The following DDX46 variants were observed in gnomAD, a reference collection of about 807,000 sequenced individuals.
DDX46 encodes DEAD-box helicase 46, also known as probable ATP-dependent RNA helicase DDX46.
Under a neutral mutation model 134.9 loss-of-function variants are expected in DDX46, and 30 were observed. That is an observed-to-expected ratio of 0.22 (90% CI 0.17 to 0.30). The LOEUF (loss-of-function observed/expected upper bound fraction) is 0.30, where lower values mean the gene tolerates loss of function less well. Ranked by LOEUF, DDX46 falls within the 10% of genes least tolerant of loss-of-function variation. The pLI, the probability that DDX46 is intolerant of heterozygous loss-of-function variation, is 1.00. For synonymous variants in DDX46, 415 were observed against 404.1 expected (o/e 1.03, Z -0.32); for missense variants, 622 against 1,248.7 (o/e 0.50, Z 7.56).
At chr5:134,800,560 C>T (rs1311883341) in intron 15 of DDX46, among the ~76,000 whole-genome samples, 1 of 152,156 alleles carries the variant, frequency 6.6e-6, no homozygotes, top group Admixed American at 6.5e-5. Context: ...GGTTGCAGAA[C>T]AGTTCCATCA....
intron 12 of DDX46, among the ~76,000 whole-genome samples, chr5:134,788,975 C>T (rs865955035): frequency 6.6e-6 from 1 of 152,000 alleles, no homozygotes; most frequent in African/African-American, 2.4e-5. Flanking sequence ...CCAGTTTTGG[C>T]CTGGCTTTGC....
chr5:134,770,199 ATT>A (rs368105956), intron 3 of DDX46, among the ~76,000 whole-genome samples: 64 of 129,746 alleles, frequency 4.9e-4, no homozygotes, highest in Non-Finnish European at 6.7e-4. Flanking sequence ...GCCTGACCAA[ATT>A]TTTTTTTTTT....
chr5:134,808,246 A>G (rs945763559), intron 16 of DDX46, among the ~76,000 whole-genome samples: 8 of 152,196 alleles, frequency 5.3e-5, no homozygotes, highest in African/African-American at 1.9e-4. Context: ...TGGGGTTACA[A>G]TGTCCCGATA....
intron 5 of DDX46, 94 bp downstream of exon 5, chr5:134,773,955 G>C (rs1201995806): frequency 3.2e-6 from 4 of 1,261,824 alleles, no homozygotes; most frequent in Non-Finnish European, 4.2e-6. Context: ...TTTTATTGTT[G>C]AAAACTATGC....
chr5:134,763,645 C>G (rs1753465458), intron 1 of DDX46, among the ~76,000 whole-genome samples: 2 of 152,138 alleles, frequency 1.3e-5, no homozygotes, highest in Admixed American at 6.6e-5. Flanking sequence ...GGAGTGTAAG[C>G]TGCCTGGAGC....
chr5:134,777,447 G>C (rs1753979826), intron 5 of DDX46, 127 bp from the exon 6 acceptor site: 2 of 1,000,534 alleles, frequency 2.0e-6, no homozygotes, highest in East Asian at 5.3e-5. Context: ...CTGATGGATG[G>C]CTGGAGTAAT....
chr5:134,779,473 C>T (rs1212876400), intron 6 of DDX46, among the ~76,000 whole-genome samples: 1 of 152,178 alleles, frequency 6.6e-6, no homozygotes, highest in African/African-American at 2.4e-5. Context: ...GGATTACAAG[C>T]GTGAGCCACC....
chr5:134,819,509 G>T (rs1015862298), intron 21 of DDX46, among the ~76,000 whole-genome samples: 1 of 152,092 alleles, frequency 6.6e-6, no homozygotes. Flanking sequence ...ATACATTCAT[G>T]AATGAATTCA....
At chr5:134,799,741 G>GAA (rs113261672) in intron 15 of DDX46, among the ~76,000 whole-genome samples, 44 of 106,276 alleles carry the variant, frequency 4.1e-4, no homozygotes, top group East Asian at 9.0e-4. Flanking sequence ...TCCGTCTCAA[G>GAA]AAAAAAAAAA....
chr5:134,784,699 G>C lies in DDX46; in HGVS notation c.1342+158G>C, dbSNP rs114612882. 1,552 of 668,580 alleles carry C rather than the reference G, an allele frequency of 2.3e-3. 20 individuals are homozygous for C. The African/African-American group carries it at 0.026, about 11-fold the overall frequency. 41.4% of individuals were successfully genotyped at this position (668,580 alleles called of 1,614,324 possible). A position where few individuals can be genotyped will look rare whatever the true frequency, so the allele number is the denominator to read the frequency against. Reference sequence around the variant, plus strand: ...CTTTGGGGCTGATTTCCCCTTACCAGCAGGTGGAGTGAGAATCTTCAGAGC... The same window carrying C: ...CTTTGGGGCTGATTTCCCCTTACCACCAGGTGGAGTGAGAATCTTCAGAGC... On this transcript the variant is annotated intron_variant, in intron 10 of 22. Coordinates refer to ENST00000452510, the MANE Select transcript of DDX46 (RefSeq NM_001300860.2).
In DDX46 at chr5:134,811,229, T is replaced by G; in HGVS notation, c.2157T>G (p.Ala719=). ...RTGRAGNKGY[A]YTFITEDQAR... Reference sequence around the variant, plus strand: ...TTTTCATCATGCATTAGGGTTATGCTTATACTTTTATCACAGAGGATCAAG... The same window carrying G: ...TTTTCATCATGCATTAGGGTTATGCGTATACTTTTATCACAGAGGATCAAG... The change falls in exon 17 of 23, where the codon GCT becomes GCG. Residue 719 remains alanine, a synonymous_variant. Coordinates refer to ENST00000452510, the MANE Select transcript of DDX46 (RefSeq NM_001300860.2). The G allele has an allele frequency of 6.2e-7, 1 of 1,613,952 alleles. No individual in the cohort carries two copies.
chr5:134,808,402 GTATTGAATATC>G (rs1430136755), intron 16 of DDX46, among the ~76,000 whole-genome samples: 1 of 152,110 alleles, frequency 6.6e-6, no homozygotes, highest in Admixed American at 6.6e-5. Flanking sequence ...TTATAATAAA[GTATTGAATATC>G]TCATGTAATT....
At position 134,824,216 on chromosome 5, in the gene DDX46, G is replaced by A. The variant is rs77032162; in HGVS notation, c.2978-2731G>A. 7.3e-3 allele frequency among the ~76,000 whole-genome samples: 1,116 copies of A among 152,244 alleles called. 12 individuals carry two copies. Among genetic ancestry groups the A allele is most frequent in the African/African-American group, 0.026 (1,061 of 41,554 alleles). ...TGTCAATTTACACTCAGGAAATAAC[G>A]TCTAATTTTTATAATAATCTAAGCA... On this transcript the variant is annotated intron_variant, in intron 21 of 22. Coordinates refer to ENST00000452510, the MANE Select transcript of DDX46 (RefSeq NM_001300860.2).
At position 134,770,985 on chromosome 5, in the gene DDX46, GA is replaced by G; in HGVS notation, c.438del (p.Asp147MetfsTer14). The G allele has an allele frequency of 1.5e-6, 2 of 1,316,274 alleles. No individual in the cohort carries two copies. Among genetic ancestry groups the G allele is most frequent in the Non-Finnish European group, 2.2e-6 (2 of 926,680 alleles). 81.5% of individuals were successfully genotyped at this position (1,316,274 alleles called of 1,614,324 possible). ...KDKDDKEDEKEKDAGNFDQNK... is the reference protein window; with the variant it reads ...KDKDDKEDEKXKDAGNFDQNK... ...CAAAGATGACAAGGAGGATGAAAAA[GA>G]AAAAGATGCTGGCGTATGTTTATTA... is the stretch of plus-strand genomic sequence containing the variant. On this transcript the variant is annotated frameshift_variant, in exon 4 of 23. Transcript: ENST00000452510. LOFTEE classifies it high-confidence loss of function.
intron 13 of DDX46, among the ~76,000 whole-genome samples, chr5:134,792,237 A>G (rs932489365): frequency 1.3e-5 from 2 of 152,114 alleles, no homozygotes; most frequent in African/African-American, 4.8e-5. Flanking sequence ...AGAAGATAAG[A>G]TAGCATCCTT....
At chr5:134,795,955 C>T in intron 14 of DDX46, 33 bp from the exon 15 acceptor site, 2 of 1,592,978 alleles carry the variant, frequency 1.3e-6, no homozygotes, top group Non-Finnish European at 1.7e-6. Context: ...TGCATTTTCA[C>T]TTCATTAACT....
chr5:134,801,813 G>C (rs544294965), intron 15 of DDX46, among the ~76,000 whole-genome samples: 41 of 152,162 alleles, frequency 2.7e-4, no homozygotes. Flanking sequence ...TTATAATTAT[G>C]AATAAAGCTG....
At chr5:134,791,757 G>A (rs1580797574) in intron 13 of DDX46, among the ~76,000 whole-genome samples, 1 of 152,190 alleles carries the variant, frequency 6.6e-6, no homozygotes, top group East Asian at 1.9e-4. Context: ...TTTATTGCCA[G>A]TTATATGTTA....
intron 18 of DDX46, among the ~76,000 whole-genome samples, chr5:134,815,149 C>T (rs997279206): frequency 2.6e-5 from 4 of 152,026 alleles, no homozygotes; most frequent in African/African-American, 4.8e-5. Flanking sequence ...CTTGGGAGGC[C>T]GAGATATGAG....
Sources: allele counts gnomAD v4.1 joint callset (sites outside exome capture counted in the v4.1 genomes callset), GRCh38; gene constraint gnomAD v4.1.1; transcripts MANE v1.5; gene names NCBI Gene and HGNC (gene_info 2026-07-23, HGNC 2026-07-21).